DCAF12: variants seen among roughly 807,000 people sequenced by gnomAD.
DCAF12 encodes DDB1 and CUL4 associated factor 12, also known as DDB1- and CUL4-associated factor 12.
DCAF12 carries 28 observed loss-of-function variants against 52.8 expected under a neutral mutation model. That is an observed-to-expected ratio of 0.53 (90% CI 0.39 to 0.73). The LOEUF is 0.73. DCAF12 is among the 30% of genes least tolerant of loss of function. The probability of loss-of-function intolerance (pLI) is 0.00; values close to 1 mark genes in which losing one functional copy is unlikely to be tolerated. For synonymous variants in DCAF12, 196 were observed against 215.5 expected (o/e 0.91, Z 0.79); for missense variants, 425 against 552.2 (o/e 0.77, Z 2.31).
chr9:34,111,354 T>C (rs1829000313), intron 2 of DCAF12, among the ~76,000 whole-genome samples: 1 of 152,204 alleles, frequency 6.6e-6, no homozygotes, highest in African/African-American at 2.4e-5. Flanking sequence ...CCTCTTGGAC[T>C]ACTCTCTAAA....
At chr9:34,118,307 T>C (rs1036332942) in intron 2 of DCAF12, among the ~76,000 whole-genome samples, 1 of 152,112 alleles carries the variant, frequency 6.6e-6, no homozygotes, top group Non-Finnish European at 1.5e-5. Flanking sequence ...CTAATTTTTG[T>C]GTTTTTAGTA....
chr9:34,118,820 C>T (rs35866006), intron 2 of DCAF12, among the ~76,000 whole-genome samples: 11,476 of 152,016 alleles, frequency 0.075, 538 homozygotes, highest in Non-Finnish European at 0.097. Context: ...AAAAATTAGC[C>T]GGGCGTGGTG....
chr9:34,120,008 T>C (rs1829146503), intron 2 of DCAF12, among the ~76,000 whole-genome samples: 2 of 151,538 alleles, frequency 1.3e-5, no homozygotes, highest in South Asian at 4.2e-4. Flanking sequence ...ACCCAGCCAA[T>C]ACTGGCCAAC....
At chr9:34,117,185 A>C (rs924265665) in intron 2 of DCAF12, among the ~76,000 whole-genome samples, 4 of 152,158 alleles carry the variant, frequency 2.6e-5, no homozygotes, top group African/African-American at 9.7e-5. Context: ...TAGGATTTAC[A>C]ATTATTTTGG....
In DCAF12 at chr9:34,126,435, G is replaced by A. The variant is rs1312489421; in HGVS notation, c.-4C>T. The A allele has an allele frequency of 1.9e-6, 3 of 1,604,894 alleles. No homozygotes were observed. The highest frequency in any genetic ancestry group is 1.3e-5 in the African/African-American group (1 of 75,058). On this transcript the variant is annotated 5_prime_UTR_variant, in exon 1 of 9. Transcript: ENST00000361264. The stretch of plus-strand genomic sequence containing the variant: ...TGCTAACTACTTTCCGGGCCATAGT[G>A]GGCAGCGCCGCCGCGGCCCCGCAGC...
rs777893053 is a variant in DCAF12 at position 34,125,151 on chromosome 9, C to G, written c.205G>C (p.Gly69Arg). 27 of 1,614,174 alleles carry G rather than the reference C, an allele frequency of 1.7e-5. No individual in the cohort carries two copies. In the African/African-American group the frequency reaches 2.1e-4, roughly 13 times the overall value. Reference sequence around the variant, plus strand: ...CTGGGAAGTTGCTGTGCTGCATAACCATGCAACACTCGAGAGTAGCTGGTT... The same window carrying G: ...CTGGGAAGTTGCTGTGCTGCATAACGATGCAACACTCGAGAGTAGCTGGTT... ...NETSYSRVLH[G>R]YAAQQLPSLL... Residue 69 changes from glycine to arginine, a missense_variant, in exon 2 of 9, where the codon GGT becomes CGT. By Grantham distance (125) the Gly-to-Arg change is moderately radical (BLOSUM62 -2). Coordinates refer to ENST00000361264, the MANE Select transcript of DCAF12 (RefSeq NM_015397.4).
At position 34,093,396 on chromosome 9, in the gene DCAF12, C is replaced by G. The variant is rs1828680078; in HGVS notation, c.914G>C (p.Gly305Ala). Residue 305 changes from glycine (G) to alanine (A), a missense_variant, in exon 7 of 9, where the codon GGT becomes GCT. By Grantham distance (60) the Gly-to-Ala change is moderately conservative. This residue lies in a region of DCAF12 where 328 missense variants were observed against 444.4 expected (regional missense o/e 0.74). Coordinates refer to ENST00000361264, the MANE Select transcript of DCAF12 (RefSeq NM_015397.4). ...CACTGCATAAACTGACCATTCACTA[C>G]CATAAGCCAGACACACATTCTCACG... ...YCRENVCLAY[G>A]SEWSVYAVGS... 1 of 1,614,078 alleles carries G rather than the reference C, an allele frequency of 6.2e-7. No individual in the cohort carries two copies. Among genetic ancestry groups the G allele is most frequent in the African/African-American group, 1.3e-5 (1 of 74,938 alleles).
At chr9:34,108,215 G>A (rs1193391975) in intron 2 of DCAF12, among the ~76,000 whole-genome samples, 4 of 152,218 alleles carry the variant, frequency 2.6e-5, no homozygotes, top group East Asian at 1.9e-4. Flanking sequence ...CAGTCTTAGC[G>A]AAAGGACAGC....
intron 4 of DCAF12, among the ~76,000 whole-genome samples, chr9:34,102,363 A>G (rs1828842245): frequency 6.6e-6 from 1 of 152,094 alleles, no homozygotes. Flanking sequence ...AAACAATAAT[A>G]AAGCACTTAA....
chr9:34,119,099 G>A (rs199686194), intron 2 of DCAF12, among the ~76,000 whole-genome samples: 1 of 152,130 alleles, frequency 6.6e-6, no homozygotes, highest in Non-Finnish European at 1.5e-5. Flanking sequence ...CCCTCACCAG[G>A]GGCTATTTTG....
intron 2 of DCAF12, among the ~76,000 whole-genome samples, chr9:34,119,485 C>G (rs1829138720): frequency 6.6e-6 from 1 of 152,150 alleles, no homozygotes; most frequent in Non-Finnish European, 1.5e-5. Flanking sequence ...TCGCACATTA[C>G]AGTCTCCATA....
chr9:34,107,473 A>C lies in DCAF12; in HGVS notation c.426T>G (p.Gly142=). ...AAGGATTCAGCTCGATGGCATGGAT[A>C]CCACAGCCCTGCTGGGTCACACCTC... ...EPGGVTQQGC[G]IHAIELNPSR... The change falls in exon 3 of 9, where the codon GGT becomes GGG. Residue 142 remains glycine, a synonymous_variant. Coordinates refer to ENST00000361264, the MANE Select transcript of DCAF12 (RefSeq NM_015397.4). 6.2e-7 allele frequency: 1 copy of C among 1,614,142 alleles called. No individual in the cohort carries two copies. Among genetic ancestry groups the C allele is most frequent in the Non-Finnish European group, 8.5e-7 (1 of 1,180,016 alleles).
chr9:34,091,514 T>C (rs1322346625), intron 7 of DCAF12, among the ~76,000 whole-genome samples: 2 of 151,718 alleles, frequency 1.3e-5, no homozygotes, highest in Non-Finnish European at 1.5e-5. Flanking sequence ...CGGACGCTTA[T>C]AGTCCCAGCT....
chr9:34,118,102 T>C (rs1483636787), intron 2 of DCAF12, among the ~76,000 whole-genome samples: 6 of 152,008 alleles, frequency 3.9e-5, no homozygotes, highest in Non-Finnish European at 5.9e-5. Flanking sequence ...TTCCTACCTA[T>C]AGAAGATGGA....
intron 4 of DCAF12, among the ~76,000 whole-genome samples, chr9:34,105,296 T>C (rs1298451499): frequency 1.3e-5 from 2 of 151,144 alleles, no homozygotes; most frequent in African/African-American, 2.4e-5. Context: ...CAGTGGCTCA[T>C]GCCTGTATAA....
In DCAF12 at chr9:34,094,767, C is replaced by T. The variant is rs551847867; in HGVS notation, c.862-1319G>A. Among the ~76,000 whole-genome samples the T allele has an allele frequency of 2.4e-4, 37 of 151,818 alleles. No homozygotes were observed. In the South Asian group the frequency reaches 4.8e-3, roughly 20 times the overall value. ...GGATGGTCTCAATCTCCTGACCTTG[C>T]GATCCGCCCACCTTGGCCTCCCAAA... On this transcript the variant is annotated intron_variant, in intron 6 of 8. Transcript: ENST00000361264.
chr9:34,126,148 A>G (rs988320243), intron 1 of DCAF12, among the ~76,000 whole-genome samples: 2 of 152,090 alleles, frequency 1.3e-5, no homozygotes, highest in African/African-American at 4.8e-5. Flanking sequence ...CCCATTCCTG[A>G]GTTCCCCTTT....
chr9:34,094,964 T>G (rs1465130544), intron 6 of DCAF12, among the ~76,000 whole-genome samples: 3 of 152,222 alleles, frequency 2.0e-5, no homozygotes, highest in African/African-American at 7.2e-5. Context: ...ATATTTTAAA[T>G]AATTTTCTGC....
At chr9:34,125,549 T>C (rs1459941777) in intron 1 of DCAF12, 10 of 555,458 alleles carry the variant, frequency 1.8e-5, no homozygotes, top group South Asian at 1.5e-4. Flanking sequence ...AAAGGTTTAC[T>C]AGACATTTTA....
Sources: gnomAD v4.1 joint callset for allele counts (sites outside exome capture counted in the v4.1 genomes callset) on GRCh38, gnomAD v4.1.1 for gene constraint, gnomAD v4.1.1 regional missense constraint, MANE v1.5 for transcripts, NCBI Gene and HGNC (gene_info 2026-07-23, HGNC 2026-07-21) for gene names.